PDE4D: variants seen among roughly 807,000 people sequenced by gnomAD.
PDE4D encodes 3',5'-cyclic-AMP phosphodiesterase 4D.
In PDE4D, 24 loss-of-function variants were observed where a neutral mutation model predicts 87.4. The observed-to-expected ratio is 0.27, with a 90% CI of 0.20 to 0.39. PDE4D has a LOEUF of 0.39. Among genes scored for constraint, PDE4D ranks in the 10% least tolerant of loss-of-function variants. PDE4D has a pLI of 1.00. For synonymous variants in PDE4D, 384 were observed against 383.2 expected, an observed-to-expected ratio of 1.00 and a Z score of -0.02; for missense variants, 714 against 1,041.0, an observed-to-expected ratio of 0.69 and a Z score of 4.32.
At chr5:60,408,951 T>C (rs551727929) in intron 1 of PDE4D, among the ~76,000 whole-genome samples, 1 of 152,324 alleles carries the variant, frequency 6.6e-6, no homozygotes, top group East Asian at 1.9e-4. Context: ...CAGTCACTTA[T>C]CATGTATTCA....
intron 1 of PDE4D, among the ~76,000 whole-genome samples, chr5:60,508,922 C>G (rs1287851183): frequency 6.7e-6 from 1 of 149,004 alleles, no homozygotes; most frequent in Non-Finnish European, 1.5e-5. Context: ...TATTTTGAGA[C>G]ACAGTCTTGC....
In PDE4D at chr5:59,013,829, G is replaced by A. The variant is rs572176279; in HGVS notation, c.922-20364C>T. ...CATCATCCTGATACCAATGCCTGGC[G>A]GAGACACAACAAAAAAAAGAGAATT... On this transcript the variant is annotated intron_variant, in intron 6 of 14. Coordinates refer to ENST00000340635, the MANE Select transcript of PDE4D (RefSeq NM_001104631.2). Among the ~76,000 whole-genome samples the A allele has an allele frequency of 2.4e-4, 36 of 151,074 alleles. 1 individual carries two copies. The South Asian group carries it at 3.6e-3, about 15-fold the overall frequency.
At chr5:59,930,057 G>C (rs1755726329) in intron 3 of PDE4D, among the ~76,000 whole-genome samples, 1 of 151,572 alleles carries the variant, frequency 6.6e-6, no homozygotes, top group South Asian at 2.1e-4. Context: ...AGCTACTCGG[G>C]AGGCTGAGGC....
intron 2 of PDE4D, among the ~76,000 whole-genome samples, chr5:60,178,919 T>C (rs1784150736): frequency 6.6e-6 from 1 of 152,146 alleles, no homozygotes; most frequent in African/African-American, 2.4e-5. Flanking sequence ...CCGTGGGATG[T>C]AACTGTCATA....
intron 3 of PDE4D, among the ~76,000 whole-genome samples, chr5:59,943,946 A>C (rs967685519): frequency 3.9e-5 from 6 of 152,222 alleles, no homozygotes; most frequent in Non-Finnish European, 5.9e-5. Flanking sequence ...GATGAATGGC[A>C]AATGAGGAAA....
chr5:60,459,291 C>A (rs1746735692), intron 1 of PDE4D, among the ~76,000 whole-genome samples: 1 of 152,082 alleles, frequency 6.6e-6, no homozygotes, highest in Non-Finnish European at 1.5e-5. Flanking sequence ...ATAAACATGC[C>A]AAAGGAGAAG....
At chr5:59,571,066 C>G (rs1821763283) in intron 1 of PDE4D, among the ~76,000 whole-genome samples, 1 of 152,070 alleles carries the variant, frequency 6.6e-6, no homozygotes, top group Non-Finnish European at 1.5e-5. Context: ...ACATATGAAA[C>G]AAAAATTTGC....
rs150337851 is a variant in PDE4D at position 60,055,048 on chromosome 5, A to T, written c.43-66331T>A. Among the ~76,000 whole-genome samples the T allele has an allele frequency of 1.4e-4, 21 of 152,248 alleles. No individual in the cohort carries two copies. The East Asian group carries it at 4.1e-3, about 29-fold the overall frequency. ...AAAAGGTTCAATCATGTAGCCCATTACAAAGATCAATGGCATCAATAAACA... is the reference window on the plus strand; with the variant it reads ...AAAAGGTTCAATCATGTAGCCCATTTCAAAGATCAATGGCATCAATAAACA... On this transcript the variant is annotated intron_variant, in intron 2 of 16. Coordinates refer to the PDE4D transcript ENST00000502484.
At position 59,456,877 on chromosome 5, in the gene PDE4D, C is replaced by T. The variant is rs192486663; in HGVS notation, c.456-240909G>A. ...AGAGAACAAGCATTGGAAGTGGAGC[C>T]TGAAGATGTGACTGAATTGCTGCAA... On this transcript the variant is annotated intron_variant, in intron 1 of 14. Coordinates refer to ENST00000340635, the MANE Select transcript of PDE4D (RefSeq NM_001104631.2). 2.0e-5 allele frequency among the ~76,000 whole-genome samples: 3 copies of T among 152,232 alleles called. No individual in the cohort carries two copies. The East Asian group carries it at 5.8e-4, about 29-fold the overall frequency.
intron 1 of PDE4D, among the ~76,000 whole-genome samples, chr5:59,357,823 GTATTCAA>G (rs1781624220): frequency 6.6e-6 from 1 of 152,164 alleles, no homozygotes; most frequent in African/African-American, 2.4e-5. Flanking sequence ...CCACTGAGTG[GTATTCAA>G]TGTTAACAAT....
At chr5:60,393,253 G>A (rs78090543) in intron 1 of PDE4D, among the ~76,000 whole-genome samples, 4,214 of 152,246 alleles carry the variant, frequency 0.028, 94 homozygotes, top group Middle Eastern at 0.082. Flanking sequence ...CAACTTCATA[G>A]GAAAACAGTG....
At chr5:60,279,923 G>A (rs932552806) in intron 1 of PDE4D, among the ~76,000 whole-genome samples, 8 of 151,654 alleles carry the variant, frequency 5.3e-5, no homozygotes, top group East Asian at 1.9e-4. Context: ...CTGATGATCC[G>A]CCCGCCTCGG....
intron 1 of PDE4D, among the ~76,000 whole-genome samples, chr5:60,227,732 T>C (rs938403439): frequency 1.3e-5 from 2 of 152,084 alleles, no homozygotes; most frequent in Admixed American, 6.6e-5. Context: ...GCCTCTTAAA[T>C]TGGTTCTCCA....
chr5:58,991,861 T>G lies in PDE4D; in HGVS notation c.1159A>C (p.Lys387Gln), dbSNP rs754598492. The change falls in exon 8 of 15, where the codon AAA (lysine) becomes CAA (glutamine). Residue 387 changes from lysine to glutamine, a missense_variant. By Grantham distance (53) the Lys-to-Gln change is moderately conservative. This residue lies in a region of PDE4D where 141 missense variants were observed against 204.3 expected (regional missense o/e 0.69). Coordinates refer to ENST00000340635, the MANE Select transcript of PDE4D (RefSeq NM_001104631.2). The part of the protein sequence containing the change: ...TNSSIPRFGV[K>Q]TEQEDVLAKE... Reference sequence around the variant, plus strand: ...GCAAGGACATCTTCTTGTTCAGTTTTAACTCCAAACCTTGGGATACTTGAA... The same window carrying G: ...GCAAGGACATCTTCTTGTTCAGTTTGAACTCCAAACCTTGGGATACTTGAA... 7 of 1,550,562 alleles carry G rather than the reference T, an allele frequency of 4.5e-6. No homozygotes were observed. The highest frequency in any genetic ancestry group is 2.0e-5 in the Admixed American group (1 of 51,144).
intron 1 of PDE4D, among the ~76,000 whole-genome samples, chr5:59,294,733 T>A (rs976638330): frequency 6.6e-6 from 1 of 152,210 alleles, no homozygotes; most frequent in Non-Finnish European, 1.5e-5. Flanking sequence ...TCTCTTTTGT[T>A]CAATCATTAG....
In PDE4D at chr5:58,988,369, A is replaced by C. The variant is rs1483813568; in HGVS notation, c.1552+124T>G. On this transcript the variant is annotated intron_variant, in intron 11 of 14. Coordinates refer to ENST00000340635, the MANE Select transcript of PDE4D (RefSeq NM_001104631.2). The stretch of plus-strand genomic sequence containing the variant: ...TTACATTAACATGAACTATCACTAA[A>C]ACACATATATACACATCTCAAAAGA... The C allele has an allele frequency of 1.2e-5, 5 of 410,000 alleles. No individual in the cohort carries two copies. The Admixed American group carries it at 1.7e-4, about 14-fold the overall frequency. 25.4% of individuals were successfully genotyped at this position (410,000 alleles called of 1,614,324 possible).
chr5:59,438,091 C>T (rs897910577), intron 1 of PDE4D, among the ~76,000 whole-genome samples: 1 of 152,096 alleles, frequency 6.6e-6, no homozygotes, highest in South Asian at 2.1e-4. Context: ...TACCTCCCAC[C>T]GGGTCCCTCC....
intron 1 of PDE4D, among the ~76,000 whole-genome samples, chr5:59,359,742 ATTACTG>A (rs564182277): frequency 6.9e-4 from 105 of 152,320 alleles, no homozygotes; most frequent in Middle Eastern, 6.8e-3. Flanking sequence ...GAACATTCTA[ATTACTG>A]TCATTTATTA....
chr5:59,913,664 T>C (rs949953073), intron 3 of PDE4D, among the ~76,000 whole-genome samples: 9 of 152,204 alleles, frequency 5.9e-5, no homozygotes, highest in Non-Finnish European at 1.5e-5. Flanking sequence ...AGGCATAATA[T>C]GTATATTTCT....
Sources: allele counts gnomAD v4.1 joint callset (sites outside exome capture counted in the v4.1 genomes callset), GRCh38; gene constraint gnomAD v4.1.1; regional missense constraint gnomAD v4.1.1; transcripts MANE v1.5; gene names NCBI Gene and HGNC (gene_info 2026-07-23, HGNC 2026-07-21).